NKAIN2: variants seen among roughly 807,000 people sequenced by gnomAD.
The protein encoded by NKAIN2 is sodium/potassium-transporting ATPase subunit beta-1-interacting protein 2.
NKAIN2 carries 14 observed loss-of-function variants against 32.6 expected under a neutral mutation model. The ratio of observed to expected loss-of-function variants is 0.43; its 90% CI spans 0.28 to 0.67. The LOEUF (loss-of-function observed/expected upper bound fraction) is 0.67, where lower values mean the gene tolerates loss of function less well. Ranked by LOEUF, NKAIN2 falls within the 30% of genes least tolerant of loss-of-function variation. NKAIN2 has a pLI of 0.17. For synonymous variants in NKAIN2, 80 were observed against 87.2 expected, an observed-to-expected ratio of 0.92 and a Z score of 0.46; for missense variants, 198 against 258.3, an observed-to-expected ratio of 0.77 and a Z score of 1.60.
At chr6:123,971,451 A>G (rs745497801) in intron 1 of NKAIN2, among the ~76,000 whole-genome samples, 12 of 152,104 alleles carry the variant, frequency 7.9e-5, no homozygotes, top group Non-Finnish European at 1.6e-4. Flanking sequence ...TTTTTATCAT[A>G]GCACTCCCAT....
intron 2 of NKAIN2, among the ~76,000 whole-genome samples, chr6:124,346,072 T>G (rs1798406787): frequency 6.6e-6 from 1 of 152,204 alleles, no homozygotes; most frequent in Admixed American, 6.5e-5. Flanking sequence ...TCTTTATTTC[T>G]GCCTTCATTT....
intron 2 of NKAIN2, among the ~76,000 whole-genome samples, chr6:124,345,174 G>A (rs1036063001): frequency 2.0e-5 from 3 of 152,064 alleles, no homozygotes; most frequent in African/African-American, 7.2e-5. Context: ...TGCATCCCAG[G>A]GATGAAGTCC....
intron 1 of NKAIN2, among the ~76,000 whole-genome samples, chr6:123,805,733 A>T (rs1773186169): frequency 6.6e-6 from 1 of 152,190 alleles, no homozygotes; most frequent in Non-Finnish European, 1.5e-5. Context: ...AAGTCTGCCA[A>T]ACTGTATAAA....
Position 124,214,512 on chromosome 6 carries a change from GC to G in NKAIN2, c.55-68491del, listed in dbSNP as rs1223605748. Among the ~76,000 whole-genome samples, 4 of 152,050 alleles carry G rather than the reference GC, an allele frequency of 2.6e-5. No individual in the cohort carries two copies. In the South Asian group the frequency reaches 6.2e-4, roughly 24 times the overall value. ...ACCTGTAATCCCAGCACTTTGGGAAGCCAAGGAGGGCAGATCACTTGAGGTC... is the reference window on the plus strand; with the variant it reads ...ACCTGTAATCCCAGCACTTTGGGAAGCAAGGAGGGCAGATCACTTGAGGTC... On this transcript the variant is annotated intron_variant, in intron 1 of 6. Coordinates refer to ENST00000368417, the MANE Select transcript of NKAIN2 (RefSeq NM_001040214.3).
intron 2 of NKAIN2, among the ~76,000 whole-genome samples, chr6:124,326,999 G>A (rs1400909220): frequency 6.6e-6 from 1 of 151,858 alleles, no homozygotes; most frequent in East Asian, 1.9e-4. Context: ...TGAGATTCTT[G>A]CCAATAGGAG....
rs531012908 is a variant in NKAIN2 at position 124,786,184 on chromosome 6, G to A, written c.475-5155G>A. Among the ~76,000 whole-genome samples, 32 of 152,146 alleles carry A rather than the reference G, an allele frequency of 2.1e-4. 1 individual carries two copies. In the South Asian group the frequency reaches 6.4e-3, roughly 31 times the overall value. On this transcript the variant is annotated intron_variant, in intron 4 of 6. Coordinates refer to ENST00000368417, the MANE Select transcript of NKAIN2 (RefSeq NM_001040214.3). ...GAGTTATAGGCTTCTTCAGCTCCAA[G>A]TAAGTCTGGTGTATATGAAATAATA...
chr6:123,996,479 A>G (rs1193315676), intron 1 of NKAIN2, among the ~76,000 whole-genome samples: 4 of 152,256 alleles, frequency 2.6e-5, no homozygotes, highest in Middle Eastern at 6.8e-3. Flanking sequence ...GTGATAAGTC[A>G]TATTCATATT....
intron 1 of NKAIN2, among the ~76,000 whole-genome samples, chr6:124,172,702 C>G (rs1026129537): frequency 1.3e-5 from 2 of 152,062 alleles, no homozygotes; most frequent in Non-Finnish European, 2.9e-5. Flanking sequence ...TTTTGTTTTA[C>G]TACATTAAAT....
chr6:124,819,731 C>T (rs1309920759), intron 6 of NKAIN2, among the ~76,000 whole-genome samples: 1 of 152,120 alleles, frequency 6.6e-6, no homozygotes, highest in African/African-American at 2.4e-5. Context: ...ACTGTTGAAA[C>T]AGTATCTCTT....
At chr6:124,524,154 C>T (rs9372782) in intron 3 of NKAIN2, among the ~76,000 whole-genome samples, 3,817 of 152,178 alleles carry the variant, frequency 0.025, 186 homozygotes, top group East Asian at 0.16. Context: ...GATCAACAGG[C>T]ATTAGTTACT....
intron 4 of NKAIN2, among the ~76,000 whole-genome samples, chr6:124,718,495 G>A (rs1775861838): frequency 6.6e-6 from 1 of 152,132 alleles, no homozygotes; most frequent in Non-Finnish European, 1.5e-5. Context: ...GGTCAACTGG[G>A]TTACTCCCAC....
chr6:124,247,125 G>C (rs1334196543), intron 1 of NKAIN2, among the ~76,000 whole-genome samples: 3 of 151,832 alleles, frequency 2.0e-5, no homozygotes, highest in Non-Finnish European at 4.4e-5. Flanking sequence ...TCACTTTAAG[G>C]CCTCATGTGA....
intron 1 of NKAIN2, among the ~76,000 whole-genome samples, chr6:124,094,493 G>A (rs981804462): frequency 6.6e-6 from 1 of 152,094 alleles, no homozygotes; most frequent in Non-Finnish European, 1.5e-5. Context: ...GAATCCACAT[G>A]TTAGGTGCTT....
intron 1 of NKAIN2, among the ~76,000 whole-genome samples, chr6:124,066,619 A>G (rs1783194961): frequency 6.6e-6 from 1 of 152,198 alleles, no homozygotes; most frequent in African/African-American, 2.4e-5. Context: ...AGGTCCTGAG[A>G]CCATTATAAA....
intron 4 of NKAIN2, among the ~76,000 whole-genome samples, chr6:124,734,330 G>T (rs1776836035): frequency 6.6e-6 from 1 of 151,550 alleles, no homozygotes; most frequent in Non-Finnish European, 1.5e-5. Flanking sequence ...TTATTATCAT[G>T]GCCTCAGGAC....
chr6:123,867,929 C>T (rs111785908), intron 1 of NKAIN2, among the ~76,000 whole-genome samples: 7,466 of 146,058 alleles, frequency 0.051, 251 homozygotes, highest in Non-Finnish European at 0.077. Context: ...AGTGCAGTGG[C>T]GTGATCTCTG....
At chr6:124,170,511 C>T (rs999598042) in intron 1 of NKAIN2, among the ~76,000 whole-genome samples, 1 of 152,132 alleles carries the variant, frequency 6.6e-6, no homozygotes, top group Non-Finnish European at 1.5e-5. Flanking sequence ...AATGTAATGG[C>T]TAGAGTTGGA....
chr6:124,540,635 A>G (rs1779878927), intron 3 of NKAIN2, among the ~76,000 whole-genome samples: 1 of 152,118 alleles, frequency 6.6e-6, no homozygotes, highest in African/African-American at 2.4e-5. Context: ...CGAAACTGGG[A>G]TAAGAATATA....
At chr6:124,303,108 C>T (rs905094146) in intron 2 of NKAIN2, among the ~76,000 whole-genome samples, 1 of 152,116 alleles carries the variant, frequency 6.6e-6, no homozygotes, top group African/African-American at 2.4e-5. Flanking sequence ...TTATTTTGAA[C>T]ACTATTAGAG....
Sources: gnomAD v4.1 joint callset for allele counts (sites outside exome capture counted in the v4.1 genomes callset) on GRCh38, gnomAD v4.1.1 for gene constraint, MANE v1.5 for transcripts, NCBI Gene and HGNC (gene_info 2026-07-23, HGNC 2026-07-21) for gene names.